The following GRIK4 variants were observed in gnomAD, a reference collection of about 807,000 sequenced individuals.
GRIK4 encodes the protein glutamate ionotropic receptor kainate type subunit 4.
GRIK4 carries 40 observed loss-of-function variants against 104.9 expected under a neutral mutation model. The ratio of observed to expected loss-of-function variants is 0.38; its 90% CI spans 0.30 to 0.50. The LOEUF is 0.50. Among genes scored for constraint, GRIK4 ranks in the 20% least tolerant of loss-of-function variants. The pLI is 0.93. For synonymous variants in GRIK4, 485 were observed against 524.9 expected (o/e 0.92, Z 1.04); for missense variants, 1,047 against 1,308.1 (o/e 0.80, Z 3.08).
chr11:120,525,183 A>G (rs1437542377), intron 1 of GRIK4, among the ~76,000 whole-genome samples: 1 of 152,180 alleles, frequency 6.6e-6, no homozygotes, highest in Non-Finnish European at 1.5e-5. Context: ...GATATCTGAC[A>G]TGGCCACAGG....
intron 3 of GRIK4, among the ~76,000 whole-genome samples, chr11:120,691,829 C>T (rs1277056261): frequency 6.6e-6 from 1 of 152,182 alleles, no homozygotes; most frequent in Non-Finnish European, 1.5e-5. Context: ...GATCCCCTGC[C>T]AGTGGCCTTA....
intron 3 of GRIK4, among the ~76,000 whole-genome samples, chr11:120,744,092 C>G (rs1951389811): frequency 6.6e-6 from 1 of 152,196 alleles, no homozygotes; most frequent in African/African-American, 2.4e-5. Context: ...ACCCCGGTCT[C>G]TCTCATGAAG....
rs1203386356 is a variant in GRIK4 at position 120,961,073 on chromosome 11, A to G, written c.2039A>G (p.Gln680Arg). The G allele has an allele frequency of 3.1e-6, 5 of 1,613,770 alleles. No homozygotes were observed. The highest frequency in any genetic ancestry group is 4.2e-6 in the Non-Finnish European group (5 of 1,179,788). ...GGAGGCTCCAGCATGACCTTCTTCC[A>G]AGTAAACCCCATTTGGTTGCTCACC... ...IHGGSSMTFFQNSRYQTYQRM... is the reference protein window; with the variant it reads ...IHGGSSMTFFRNSRYQTYQRM... The change falls in exon 17 of 21, where the codon CAA becomes CGA. Residue 680 changes from glutamine to arginine, a missense_variant and splice_region_variant. Physicochemically the swap from Gln to Arg is conservative, Grantham distance 43 (BLOSUM62 1). Transcript: ENST00000527524.
rs117578680 is a variant in GRIK4, at chr11:120,655,399, T to C, written c.-51+1607T>C. Among the ~76,000 whole-genome samples the C allele has an allele frequency of 4.9e-4, 74 of 152,056 alleles. No individual in the cohort carries two copies. In the East Asian group the frequency reaches 0.014, roughly 28 times the overall value. Reference sequence around the variant, plus strand: ...TGCTGGGGCATCAGGTGCCGTAGGGTACAGGGTAGGGACAGGTGAGCAAAG... The same window carrying C: ...TGCTGGGGCATCAGGTGCCGTAGGGCACAGGGTAGGGACAGGTGAGCAAAG... On this transcript the variant is annotated intron_variant, in intron 2 of 20. Transcript: ENST00000527524.
At chr11:120,597,482 C>T (rs1376961400) in intron 1 of GRIK4, among the ~76,000 whole-genome samples, 5 of 152,206 alleles carry the variant, frequency 3.3e-5, no homozygotes, top group South Asian at 4.1e-4. Flanking sequence ...GACCGAGCCC[C>T]GGGCGCCCCC....
At chr11:120,857,960 GC>G (rs913960215) in intron 8 of GRIK4, among the ~76,000 whole-genome samples, 1 of 152,178 alleles carries the variant, frequency 6.6e-6, no homozygotes, top group African/African-American at 2.4e-5. Context: ...CCTGGTCTCT[GC>G]CCCACCACTT....
At chr11:120,540,963 G>C (rs1472293400) in intron 1 of GRIK4, among the ~76,000 whole-genome samples, 1 of 152,162 alleles carries the variant, frequency 6.6e-6, no homozygotes, top group Non-Finnish European at 1.5e-5. Context: ...GTGAGACCCG[G>C]TCTCTTAAAA....
chr11:120,954,453 T>G (rs984386369), intron 15 of GRIK4, among the ~76,000 whole-genome samples: 1 of 151,712 alleles, frequency 6.6e-6, no homozygotes, highest in African/African-American at 2.4e-5. Context: ...GCCACACTGC[T>G]GCCATGTTAG....
intron 1 of GRIK4, among the ~76,000 whole-genome samples, chr11:120,609,212 G>A (rs554637688): frequency 1.8e-4 from 27 of 151,922 alleles, no homozygotes; most frequent in African/African-American, 6.3e-4. Context: ...CTCCCACCTC[G>A]GGGATCTGGG....
chr11:120,960,029 C>CA (rs1185692720), intron 16 of GRIK4, among the ~76,000 whole-genome samples: 159 of 144,748 alleles, frequency 1.1e-3, no homozygotes, highest in Non-Finnish European at 1.4e-3. Flanking sequence ...ACCCTGTCTC[C>CA]AAAAAAAAAA....
intron 1 of GRIK4, among the ~76,000 whole-genome samples, chr11:120,590,760 G>T (rs1270723309): frequency 6.6e-6 from 1 of 152,112 alleles, no homozygotes; most frequent in Non-Finnish European, 1.5e-5. Context: ...GCCTTGGCTA[G>T]CCTTTCATTT....
At chr11:120,706,067 G>A (rs1950624619) in intron 3 of GRIK4, among the ~76,000 whole-genome samples, 1 of 152,138 alleles carries the variant, frequency 6.6e-6, no homozygotes. Context: ...GCTTTCTAGA[G>A]TTCCAGGGAC....
At chr11:120,699,372 C>T (rs572252652) in intron 3 of GRIK4, among the ~76,000 whole-genome samples, 2 of 152,308 alleles carry the variant, frequency 1.3e-5, no homozygotes, top group Non-Finnish European at 2.9e-5. Flanking sequence ...CATGACAAAC[C>T]AAGTCTTTAG....
At chr11:120,767,922 C>T (rs1951867824) in intron 3 of GRIK4, among the ~76,000 whole-genome samples, 1 of 152,068 alleles carries the variant, frequency 6.6e-6, no homozygotes, top group African/African-American at 2.4e-5. Flanking sequence ...TGTTTTTAGC[C>T]AGTACCATAC....
chr11:120,806,190 C>T (rs1307248454), intron 4 of GRIK4, among the ~76,000 whole-genome samples: 1 of 152,172 alleles, frequency 6.6e-6, no homozygotes, highest in Non-Finnish European at 1.5e-5. Flanking sequence ...AACGGGCTTC[C>T]TCCCAACTTA....
chr11:120,803,953 C>T (rs908776296), intron 4 of GRIK4, among the ~76,000 whole-genome samples: 7 of 152,190 alleles, frequency 4.6e-5, no homozygotes, highest in Non-Finnish European at 7.3e-5. Flanking sequence ...GACCACAGAG[C>T]TAGTCAATGG....
At chr11:120,667,800 G>A (rs554674067) in intron 3 of GRIK4, among the ~76,000 whole-genome samples, 4 of 152,336 alleles carry the variant, frequency 2.6e-5, no homozygotes, top group African/African-American at 9.6e-5. Context: ...AGATGTGCAC[G>A]CAGTGGCAAA....
At chr11:120,766,888 G>A (rs537908000) in intron 3 of GRIK4, among the ~76,000 whole-genome samples, 3 of 151,860 alleles carry the variant, frequency 2.0e-5, no homozygotes, top group Admixed American at 1.3e-4. Context: ...GACTGGAGCT[G>A]TTCATATTCA....
At position 120,967,546 on chromosome 11, in the gene GRIK4, G is replaced by C. The variant is rs2134750967; in HGVS notation, c.2395+223G>C. Among the ~76,000 whole-genome samples, 1 of 152,256 alleles carries C rather than the reference G, an allele frequency of 6.6e-6. No homozygotes were observed. Among genetic ancestry groups the C allele is most frequent in the East Asian group, 1.9e-4 (1 of 5,176 alleles). ...CCGGCTCCCAAGTCCTAGAGGCTCT[G>C]CCTCCATGTTGTTTCTTGAACCCAG... On this transcript the variant is annotated intron_variant, in intron 19 of 20. Transcript: ENST00000527524. This position sits in a 1 kb window ranked among gnomAD's most constrained non-coding sequence, Gnocchi z 4.2.
Sources: allele counts gnomAD v4.1 joint callset (sites outside exome capture counted in the v4.1 genomes callset), GRCh38; gene constraint gnomAD v4.1.1; non-coding constraint Gnocchi (gnomAD v3.1); transcripts MANE v1.5; gene names NCBI Gene and HGNC (gene_info 2026-07-23, HGNC 2026-07-21).